PCDHGB4: variants seen among roughly 807,000 people sequenced by gnomAD.
PCDHGB4 encodes protocadherin gamma-B4.
Under a neutral mutation model 60.5 loss-of-function variants are expected in PCDHGB4, and 38 were observed. The ratio of observed to expected loss-of-function variants is 0.63; its 90% CI spans 0.48 to 0.82. The LOEUF is 0.82. Among genes scored for constraint, PCDHGB4 ranks in the 40% least tolerant of loss-of-function variants. The pLI is 0.00. For missense variants in PCDHGB4, 1,109 were observed against 1,209.6 expected, an observed-to-expected ratio of 0.92 and a Z score of 1.23; for synonymous variants, 456 against 509.7, an observed-to-expected ratio of 0.89 and a Z score of 1.42.
At chr5:141,451,365 G>A (rs557753113) in intron 1 of PCDHGB4, among the ~76,000 whole-genome samples, 2 of 152,234 alleles carry the variant, frequency 1.3e-5, no homozygotes, top group South Asian at 4.1e-4. Context: ...GGATGGATCC[G>A]CTTCTAATCT....
At chr5:141,482,755 T>TGAAGTGGGAG (rs1554165462) in intron 1 of PCDHGB4, among the ~76,000 whole-genome samples, 1 of 143,580 alleles carries the variant, frequency 7.0e-6, no homozygotes, top group South Asian at 2.1e-4. Context: ...GGGATTATGG[T>TGAAGTGGGAG]ATTTCATTAT....
chr5:141,422,286 T>C, intron 1 of PCDHGB4: 2 of 1,554,938 alleles, frequency 1.3e-6, no homozygotes, highest in Non-Finnish European at 1.7e-6. Flanking sequence ...TCACCTCTTC[T>C]ATTAATTCAA....
intron 1 of PCDHGB4, chr5:141,475,949 G>A: frequency 1.3e-6 from 1 of 758,910 alleles, no homozygotes; most frequent in South Asian, 1.9e-5. Flanking sequence ...TCCCCTTTCT[G>A]CGCCCCGGGA....
At chr5:141,470,815 G>A (rs891225908) in intron 1 of PCDHGB4, among the ~76,000 whole-genome samples, 1 of 151,980 alleles carries the variant, frequency 6.6e-6, no homozygotes, top group African/African-American at 2.4e-5. Flanking sequence ...AGCCTTCTGA[G>A]TAGTTAGGAC....
In PCDHGB4 at chr5:141,490,729, C is replaced by G. The variant is rs1365931429; in HGVS notation, c.2398-4078C>G. ...CCTCACCTACTCCATTGTAGGAAAT[C>G]AGGTTCAGGGAGCCCCAGCCTCCTC... On this transcript the variant is annotated intron_variant, in intron 1 of 3. Coordinates refer to ENST00000519479, the MANE Select transcript of PCDHGB4 (RefSeq NM_003736.4). The surrounding 1 kb of genome is among the most constrained non-coding windows in gnomAD (Gnocchi z 5.4). 1 of 1,614,184 alleles carries G rather than the reference C, an allele frequency of 6.2e-7. No homozygotes were observed.
chr5:141,429,204 A>ACACACACG, intron 1 of PCDHGB4: 1 of 150,162 alleles, frequency 6.7e-6, no homozygotes, highest in Non-Finnish European at 1.5e-5. Context: ...ACACACACAC[A>ACACACACG]CGTGTGAAAA....
Position 141,432,736 on chromosome 5 carries a change from G to T in PCDHGB4, c.2397+42455G>T. On this transcript the variant is annotated intron_variant, in intron 1 of 3. Transcript: ENST00000519479. The surrounding 1 kb of genome is among the most constrained non-coding windows in gnomAD (Gnocchi z 6.0). ...AGCCCCCTCTCTCCGCCACTGTCACGCTCACCGTGGCCGTGGCCGACAGCA... is the reference window on the plus strand; with the variant it reads ...AGCCCCCTCTCTCCGCCACTGTCACTCTCACCGTGGCCGTGGCCGACAGCA... The T allele has an allele frequency of 6.2e-7, 1 of 1,614,058 alleles. No individual in the cohort carries two copies. The highest frequency in any genetic ancestry group is 8.5e-7 in the Non-Finnish European group (1 of 1,179,980).
chr5:141,423,273 G>C, intron 1 of PCDHGB4: 2 of 1,613,896 alleles, frequency 1.2e-6, no homozygotes, highest in Non-Finnish European at 1.7e-6. Flanking sequence ...TCGAGTCTCT[G>C]GCTAACTCTG....
intron 1 of PCDHGB4, chr5:141,407,948 G>T (rs978962452): frequency 7.0e-6 from 4 of 572,054 alleles, no homozygotes; most frequent in Non-Finnish European, 1.1e-5. Flanking sequence ...GCCGCTGTCG[G>T]CCAGTGCAGA....
At chr5:141,404,472 T>C in intron 1 of PCDHGB4, 1 of 1,613,692 alleles carries the variant, frequency 6.2e-7, no homozygotes, top group Non-Finnish European at 8.5e-7. Context: ...TATGTCTCTA[T>C]TAACTCAGAC....
chr5:141,438,392 A>C (rs2097958012), intron 1 of PCDHGB4, among the ~76,000 whole-genome samples: 1 of 151,714 alleles, frequency 6.6e-6, no homozygotes, highest in African/African-American at 2.4e-5. Context: ...TTAGTTCATC[A>C]TTAACTCTCT....
At chr5:141,437,986 C>T (rs2097921856) in intron 1 of PCDHGB4, among the ~76,000 whole-genome samples, 1 of 152,096 alleles carries the variant, frequency 6.6e-6, no homozygotes, top group African/African-American at 2.4e-5. Context: ...TGCACCCACC[C>T]CACCTCAGCC....
At chr5:141,488,872 T>C (rs773185475) in intron 1 of PCDHGB4, among the ~76,000 whole-genome samples, 4 of 151,794 alleles carry the variant, frequency 2.6e-5, no homozygotes, top group Non-Finnish European at 5.9e-5. Flanking sequence ...AGTGGGGAGG[T>C]AGGAAGCTTC....
intron 1 of PCDHGB4, among the ~76,000 whole-genome samples, chr5:141,481,761 G>A (rs984825493): frequency 2.6e-5 from 4 of 152,234 alleles, no homozygotes; most frequent in Non-Finnish European, 2.9e-5. Context: ...AGACCAGCCT[G>A]GCCAACATGG....
intron 2 of PCDHGB4, among the ~76,000 whole-genome samples, chr5:141,495,601 G>A (rs1315613802): frequency 3.3e-5 from 5 of 152,004 alleles, no homozygotes; most frequent in South Asian, 2.1e-4. Context: ...CTTAGCTTCC[G>A]TCTTGATTGC....
At position 141,510,984 on chromosome 5, in the gene PCDHGB4, C is replaced by A. The variant is rs375865663; in HGVS notation, c.2583C>A (p.Ala861=). 6.2e-7 allele frequency: 1 copy of A among 1,614,162 alleles called. No individual in the cohort carries two copies. The highest frequency in any genetic ancestry group is 8.5e-7 in the Non-Finnish European group (1 of 1,180,012). The part of the protein sequence containing the change: ...ADGSSTLGGG[A]GTMGLSARYG... The stretch of plus-strand genomic sequence containing the variant: ...GGAGCTCCACCCTGGGAGGGGGTGC[C>A]GGCACCATGGGATTGAGCGCCCGCT... Residue 861 remains alanine, a synonymous_variant, in exon 4 of 4, where the codon GCC becomes GCA. Coordinates refer to ENST00000519479, the MANE Select transcript of PCDHGB4 (RefSeq NM_003736.4).
chr5:141,393,708 G>A, intron 1 of PCDHGB4: 2 of 1,613,788 alleles, frequency 1.2e-6, no homozygotes, highest in South Asian at 1.1e-5. Context: ...TGAAAATACT[G>A]GGGAAATATC....
chr5:141,428,949 G>T (rs2097173007), intron 1 of PCDHGB4: 1 of 152,034 alleles, frequency 6.6e-6, no homozygotes, highest in Admixed American at 6.6e-5. Flanking sequence ...CTGCCTTCCG[G>T]GTTCTGGCCA....
chr5:141,475,731 C>T (rs991175739), intron 1 of PCDHGB4, among the ~76,000 whole-genome samples: 1 of 152,248 alleles, frequency 6.6e-6, no homozygotes, highest in African/African-American at 2.4e-5. Context: ...GGCTGGCTTT[C>T]CCTAAGGTAG....
Sources: gnomAD v4.1 joint callset for allele counts (sites outside exome capture counted in the v4.1 genomes callset) on GRCh38, gnomAD v4.1.1 for gene constraint, Gnocchi (gnomAD v3.1) non-coding constraint, MANE v1.5 for transcripts, NCBI Gene and HGNC (gene_info 2026-07-23, HGNC 2026-07-21) for gene names.